Variants in GPC5 observed in about 807,000 individuals in gnomAD.
GPC5 encodes the protein glypican-5.
Under a neutral mutation model 53.9 loss-of-function variants are expected in GPC5, and 47 were observed. The ratio of observed to expected loss-of-function variants is 0.87; its 90% CI spans 0.69 to 1.11. The LOEUF (loss-of-function observed/expected upper bound fraction) is 1.11. Among genes scored for constraint, GPC5 ranks in the 50% most tolerant of loss-of-function variants. The pLI, the probability that GPC5 is intolerant of heterozygous loss-of-function variation, is 0.00. For synonymous variants in GPC5, 286 were observed against 263.3 expected, an observed-to-expected ratio of 1.09 and a Z score of -0.84; for missense variants, 748 against 713.1, an observed-to-expected ratio of 1.05 and a Z score of -0.56.
intron 7 of GPC5, among the ~76,000 whole-genome samples, chr13:92,504,533 A>G (rs1880298093): frequency 6.6e-6 from 1 of 152,054 alleles, no homozygotes; most frequent in African/African-American, 2.4e-5. Context: ...AGGTGATAAA[A>G]TAACCAAAAC....
At chr13:92,764,191 T>G (rs1440651600) in intron 7 of GPC5, among the ~76,000 whole-genome samples, 2 of 152,010 alleles carry the variant, frequency 1.3e-5, no homozygotes, top group Non-Finnish European at 2.9e-5. Context: ...CTGGTAGGGG[T>G]AGATGGACCA....
intron 5 of GPC5, among the ~76,000 whole-genome samples, chr13:91,860,430 A>G (rs1041267694): frequency 1.4e-5 from 2 of 144,464 alleles, no homozygotes; most frequent in African/African-American, 5.3e-5. Context: ...ATAGTACTTC[A>G]TCATGTATAT....
At chr13:91,617,025 G>C (rs1223040810) in intron 2 of GPC5, among the ~76,000 whole-genome samples, 1 of 152,136 alleles carries the variant, frequency 6.6e-6, no homozygotes, top group Non-Finnish European at 1.5e-5. Flanking sequence ...AGACAGTCAA[G>C]TCAGATCAAC....
intron 7 of GPC5, among the ~76,000 whole-genome samples, chr13:92,797,133 A>C (rs534261023): frequency 1.8e-4 from 27 of 152,070 alleles, no homozygotes; most frequent in African/African-American, 4.3e-4. Context: ...TAAAATGAGA[A>C]TACTACTACA....
At chr13:92,291,242 G>A (rs980765353) in intron 7 of GPC5, among the ~76,000 whole-genome samples, 4 of 152,158 alleles carry the variant, frequency 2.6e-5, no homozygotes, top group East Asian at 3.9e-4. Flanking sequence ...CGCATGGCAC[G>A]GGACTGACAG....
chr13:91,529,462 T>G (rs1168682855), intron 2 of GPC5, among the ~76,000 whole-genome samples: 2 of 152,196 alleles, frequency 1.3e-5, no homozygotes, highest in Non-Finnish European at 2.9e-5. Context: ...AGCTTTATGC[T>G]CCGAAGACAT....
At chr13:92,677,473 T>C (rs1334032461) in intron 7 of GPC5, among the ~76,000 whole-genome samples, 1 of 152,148 alleles carries the variant, frequency 6.6e-6, no homozygotes, top group African/African-American at 2.4e-5. Flanking sequence ...ACTAAAACAA[T>C]GTCAATGAAA....
intron 2 of GPC5, among the ~76,000 whole-genome samples, chr13:91,480,464 A>G (rs959106080): frequency 6.6e-6 from 1 of 152,164 alleles, no homozygotes; most frequent in African/African-American, 2.4e-5. Context: ...TGCATAGGAA[A>G]ACCACTTTCT....
intron 7 of GPC5, among the ~76,000 whole-genome samples, chr13:92,327,591 A>G (rs2043261052): frequency 6.6e-6 from 1 of 152,140 alleles, no homozygotes; most frequent in South Asian, 2.1e-4. Flanking sequence ...TAGCTAACAT[A>G]ATAATAGAAG....
At chr13:92,619,644 T>C (rs1884806450) in intron 7 of GPC5, among the ~76,000 whole-genome samples, 1 of 151,964 alleles carries the variant, frequency 6.6e-6, no homozygotes, top group African/African-American at 2.4e-5. Flanking sequence ...TTGCTATTAA[T>C]GATAAAAAAT....
At chr13:91,933,250 A>G (rs1035527478) in intron 6 of GPC5, among the ~76,000 whole-genome samples, 2 of 151,882 alleles carry the variant, frequency 1.3e-5, no homozygotes, top group African/African-American at 4.8e-5. Context: ...AACCTACTCA[A>G]CATGTGTATC....
intron 6 of GPC5, among the ~76,000 whole-genome samples, chr13:92,111,028 C>G (rs534531819): frequency 6.6e-6 from 1 of 152,064 alleles, no homozygotes; most frequent in Admixed American, 6.6e-5. Context: ...GCTCCCTTTC[C>G]AACTGGCAAA....
intron 6 of GPC5, among the ~76,000 whole-genome samples, chr13:91,949,648 C>G (rs999010298): frequency 1.3e-5 from 2 of 152,124 alleles, no homozygotes; most frequent in African/African-American, 4.8e-5. Context: ...AAGTGAAATG[C>G]TTAGCATAGC....
rs946750116 is a variant in GPC5 at position 91,398,997 on chromosome 13, G to T, written c.-50G>T. The T allele has an allele frequency of 2.6e-6, 4 of 1,523,294 alleles. No individual in the cohort carries two copies. Among genetic ancestry groups the T allele is most frequent in the Non-Finnish European group, 3.5e-6 (4 of 1,129,834 alleles). The allele number at this position is 1,523,294 out of a possible 1,614,324, so 94.4% of individuals were successfully genotyped here. On this transcript the variant is annotated 5_prime_UTR_variant, in exon 1 of 8. Coordinates refer to ENST00000377067, the MANE Select transcript of GPC5 (RefSeq NM_004466.6). ...CACGTCTGCAGCTCAGCCAGGGCGC[G>T]CAGGGCGAGTGGGGTCCACTGGCGG...
chr13:92,182,206 A>G (rs2042151853), intron 7 of GPC5, among the ~76,000 whole-genome samples: 1 of 152,358 alleles, frequency 6.6e-6, no homozygotes, highest in South Asian at 2.1e-4. Context: ...CTCCCTGATT[A>G]TTCCTCCCTT....
chr13:92,699,612 AT>A lies in GPC5; in HGVS notation c.1562-166668del, dbSNP rs1887664822. 3.9e-5 allele frequency among the ~76,000 whole-genome samples: 6 copies of A among 152,070 alleles called. No homozygotes were observed. The South Asian group carries it at 1.2e-3, about 31-fold the overall frequency. ...ATACTGCTTTAAATGTGTCCCAAAGATTGTGGTACGTTGTGTCTTTGTTCTT... is the reference window on the plus strand; with the variant it reads ...ATACTGCTTTAAATGTGTCCCAAAGATGTGGTACGTTGTGTCTTTGTTCTT... On this transcript the variant is annotated intron_variant, in intron 7 of 7. Coordinates refer to ENST00000377067, the MANE Select transcript of GPC5 (RefSeq NM_004466.6).
At chr13:92,124,369 GCAGGAGGACTC>G (rs1329528611) in intron 6 of GPC5, among the ~76,000 whole-genome samples, 3 of 151,906 alleles carry the variant, frequency 2.0e-5, no homozygotes, top group Non-Finnish European at 2.9e-5. Context: ...GTCACACCGT[GCAGGAGGACTC>G]CATGGTAGAA....
chr13:91,967,963 A>G (rs2040196665), intron 6 of GPC5, among the ~76,000 whole-genome samples: 1 of 152,094 alleles, frequency 6.6e-6, no homozygotes, highest in Admixed American at 6.5e-5. Context: ...ATAATTGTTC[A>G]TTTTCTAAAT....
At chr13:91,681,741 A>G (rs2035514059) in intron 2 of GPC5, among the ~76,000 whole-genome samples, 1 of 152,162 alleles carries the variant, frequency 6.6e-6, no homozygotes, top group South Asian at 2.1e-4. Flanking sequence ...GTACTTCATA[A>G]TTAGAAATAT....
Sources: allele counts gnomAD v4.1 joint callset (sites outside exome capture counted in the v4.1 genomes callset), GRCh38; gene constraint gnomAD v4.1.1; transcripts MANE v1.5; gene names NCBI Gene and HGNC (gene_info 2026-07-23, HGNC 2026-07-21).